KCNH8: variants seen among roughly 807,000 people sequenced by gnomAD.
The protein encoded by KCNH8 is potassium voltage-gated channel subfamily H member 8, also known as voltage-gated delayed rectifier potassium channel KCNH8.
KCNH8 carries 70 observed loss-of-function variants against 103.6 expected under a neutral mutation model. The ratio of observed to expected loss-of-function variants is 0.68; its 90% CI spans 0.56 to 0.82. The LOEUF (loss-of-function observed/expected upper bound fraction) is 0.82. KCNH8 is among the 40% of genes least tolerant of loss of function. The pLI is 0.00. For synonymous variants in KCNH8, 498 were observed against 489.4 expected, an observed-to-expected ratio of 1.02 and a Z score of -0.23; for missense variants, 1,217 against 1,329.9, an observed-to-expected ratio of 0.92 and a Z score of 1.32.
Position 19,469,038 on chromosome 3 carries a change from A to T in KCNH8, c.2040+12056A>T, listed in dbSNP as rs141253090. The stretch of plus-strand genomic sequence containing the variant: ...GAAAATGATTTATTGAATATTAATA[A>T]TTTTTTAAATCATATCTGACAGCCC... On this transcript the variant is annotated intron_variant, in intron 11 of 15. Transcript: ENST00000328405. Among the ~76,000 whole-genome samples the T allele has an allele frequency of 4.4e-3, 674 of 152,294 alleles. 6 individuals are homozygous for T. Among genetic ancestry groups the T allele is most frequent in the South Asian group, 0.019 (92 of 4,826 alleles).
chr3:19,508,874 A>G (rs2068738717), intron 11 of KCNH8, among the ~76,000 whole-genome samples: 1 of 152,242 alleles, frequency 6.6e-6, no homozygotes, highest in Non-Finnish European at 1.5e-5. Context: ...CCACACAACT[A>G]GAAGCATACT....
At chr3:19,211,939 G>T (rs903845348) in intron 1 of KCNH8, among the ~76,000 whole-genome samples, 7 of 152,104 alleles carry the variant, frequency 4.6e-5, no homozygotes, top group African/African-American at 1.7e-4. Flanking sequence ...CACTGAATTT[G>T]GGAGAACACT....
At chr3:19,191,716 A>G (rs963571888) in intron 1 of KCNH8, among the ~76,000 whole-genome samples, 5 of 151,654 alleles carry the variant, frequency 3.3e-5, no homozygotes, top group African/African-American at 4.8e-5. Flanking sequence ...ACCCTAGTCC[A>G]CTGCATTCTG....
At chr3:19,248,754 G>T (rs2064238999) in intron 1 of KCNH8, among the ~76,000 whole-genome samples, 1 of 152,120 alleles carries the variant, frequency 6.6e-6, no homozygotes, top group Non-Finnish European at 1.5e-5. Flanking sequence ...CAATGTTTAT[G>T]CTCTTCTCTC....
At chr3:19,170,686 A>C (rs1194658471) in intron 1 of KCNH8, among the ~76,000 whole-genome samples, 1 of 145,230 alleles carries the variant, frequency 6.9e-6, no homozygotes, top group Non-Finnish European at 1.5e-5. Context: ...ACACACACAT[A>C]TATACACACA....
At chr3:19,385,128 G>A (rs946554065) in intron 5 of KCNH8, among the ~76,000 whole-genome samples, 1 of 152,068 alleles carries the variant, frequency 6.6e-6, no homozygotes, top group African/African-American at 2.4e-5. Context: ...CTTTGGGCTG[G>A]GAGAGGACAA....
intron 7 of KCNH8, among the ~76,000 whole-genome samples, chr3:19,400,690 A>AT (rs2066599627): frequency 6.6e-6 from 1 of 151,834 alleles, no homozygotes. Flanking sequence ...TCATTTTCAA[A>AT]TTTTCATTGA....
rs1445648302 is a variant in KCNH8, at chr3:19,425,212, T to C, written c.1178-12952T>C. Among the ~76,000 whole-genome samples the C allele has an allele frequency of 4.6e-5, 7 of 152,342 alleles. No homozygotes were observed. In the East Asian group the frequency reaches 1.2e-3, roughly 25 times the overall value. On this transcript the variant is annotated intron_variant, in intron 7 of 15. Coordinates refer to ENST00000328405, the MANE Select transcript of KCNH8 (RefSeq NM_144633.3). ...ATAAATGCCTTATATTTACCTGGCC[T>C]AGTAATTATTATTCATGTGCTTTGA...
chr3:19,471,684 G>C (rs549293089), intron 11 of KCNH8, among the ~76,000 whole-genome samples: 25 of 152,260 alleles, frequency 1.6e-4, no homozygotes, highest in South Asian at 1.2e-3. Flanking sequence ...AGAAAAACTG[G>C]TCCAGAATCC....
rs181886421 is a variant in KCNH8, at chr3:19,477,890, A to G, written c.2040+20908A>G. Among the ~76,000 whole-genome samples, 810 of 152,128 alleles carry G rather than the reference A, an allele frequency of 5.3e-3. 6 individuals are homozygous for G. Among genetic ancestry groups the G allele is most frequent in the Non-Finnish European group, 8.9e-3 (605 of 67,972 alleles). The stretch of plus-strand genomic sequence containing the variant: ...CCATCACCTGAACAGTGAACATTGT[A>G]CTCAATAAGTAATTTTTCAACCCTG... On this transcript the variant is annotated intron_variant, in intron 11 of 15. Coordinates refer to ENST00000328405, the MANE Select transcript of KCNH8 (RefSeq NM_144633.3).
At chr3:19,316,367 C>G (rs1266615585) in intron 3 of KCNH8, among the ~76,000 whole-genome samples, 8 of 151,802 alleles carry the variant, frequency 5.3e-5, no homozygotes, top group Admixed American at 5.3e-4. Context: ...GTAAAATCTC[C>G]CCTGGTTGAG....
At chr3:19,237,901 T>C (rs1407238931) in intron 1 of KCNH8, among the ~76,000 whole-genome samples, 1 of 152,224 alleles carries the variant, frequency 6.6e-6, no homozygotes, top group Non-Finnish European at 1.5e-5. Context: ...TTGAAACTAT[T>C]GGATAAGGGA....
intron 11 of KCNH8, among the ~76,000 whole-genome samples, chr3:19,459,676 G>A (rs2067590584): frequency 6.6e-6 from 1 of 152,010 alleles, no homozygotes; most frequent in Admixed American, 6.6e-5. Context: ...TCATTGTCCA[G>A]ACCAATGTCA....
Position 19,438,166 on chromosome 3 carries a change from T to C in KCNH8, c.1180T>C (p.Trp394Arg). 1 of 1,613,756 alleles carries C rather than the reference T, an allele frequency of 6.2e-7. No individual in the cohort carries two copies. The highest frequency in any genetic ancestry group is 8.5e-7 in the Non-Finnish European group (1 of 1,179,654). ...DNSLLKWEVG[W>R]LHELGKRLES... The stretch of plus-strand genomic sequence containing the variant: ...TTGCTTTATTTCCTCCTTTGCAGGT[T>C]GGCTTCATGAGTTGGGAAAGAGACT... The change falls in exon 8 of 16, where the codon TGG (tryptophan) becomes CGG (arginine). Residue 394 changes from tryptophan to arginine, a missense_variant and splice_region_variant. Transcript: ENST00000328405.
chr3:19,463,580 C>T (rs1019175793), intron 11 of KCNH8, among the ~76,000 whole-genome samples: 1 of 151,996 alleles, frequency 6.6e-6, no homozygotes, highest in African/African-American at 2.4e-5. Context: ...CTTTTAAATT[C>T]TTAGAATACC....
chr3:19,238,843 A>G (rs1250141126), intron 1 of KCNH8, among the ~76,000 whole-genome samples: 2 of 152,230 alleles, frequency 1.3e-5, no homozygotes, highest in Non-Finnish European at 2.9e-5. Context: ...AGTGTCTAGC[A>G]GTGAGCAGGA....
intron 5 of KCNH8, among the ~76,000 whole-genome samples, chr3:19,366,191 C>T (rs890386407): frequency 1.3e-5 from 2 of 151,904 alleles, no homozygotes; most frequent in African/African-American, 4.8e-5. Context: ...TAGTTAAAGT[C>T]GCTTAATTTG....
chr3:19,338,882 A>T (rs2065620964), intron 3 of KCNH8, among the ~76,000 whole-genome samples: 1 of 152,234 alleles, frequency 6.6e-6, no homozygotes, highest in African/African-American at 2.4e-5. Context: ...TAATGGAATT[A>T]TGATATTCTA....
chr3:19,435,798 T>G (rs1028568155), intron 7 of KCNH8, among the ~76,000 whole-genome samples: 11 of 152,210 alleles, frequency 7.2e-5, no homozygotes, highest in Non-Finnish European at 1.3e-4. Flanking sequence ...TTAAATAACT[T>G]GCTCGCATTC....
Sources: allele counts gnomAD v4.1 joint callset (sites outside exome capture counted in the v4.1 genomes callset), GRCh38; gene constraint gnomAD v4.1.1; transcripts MANE v1.5; gene names NCBI Gene and HGNC (gene_info 2026-07-23, HGNC 2026-07-21).